The following HS3ST4 variants were observed in gnomAD, a reference collection of about 807,000 sequenced individuals.
HS3ST4 encodes heparan sulfate-glucosamine 3-sulfotransferase 4, also known as heparan sulfate glucosamine 3-O-sulfotransferase 4.
In HS3ST4, 17 loss-of-function variants were observed where a neutral mutation model predicts 29.2. The observed-to-expected ratio is 0.58, with a 90% CI of 0.40 to 0.87. The LOEUF is 0.87. Among genes scored for constraint, HS3ST4 ranks in the 40% least tolerant of loss-of-function variants. HS3ST4 has a pLI of 0.00. For synonymous variants in HS3ST4, 314 were observed against 285.7 expected (o/e 1.10, Z -1.00); for missense variants, 627 against 634.5 (o/e 0.99, Z 0.13).
chr16:25,900,520 A>G (rs1968111141), intron 1 of HS3ST4, among the ~76,000 whole-genome samples: 1 of 152,090 alleles, frequency 6.6e-6, no homozygotes, highest in African/African-American at 2.4e-5. Flanking sequence ...TCAGGGAGGC[A>G]TTTAAGGGAG....
chr16:25,924,863 C>T (rs1968387534), intron 1 of HS3ST4, among the ~76,000 whole-genome samples: 1 of 152,128 alleles, frequency 6.6e-6, no homozygotes, highest in Non-Finnish European at 1.5e-5. Context: ...TCTGGCAGGG[C>T]AGCAGGGTTC....
intron 1 of HS3ST4, among the ~76,000 whole-genome samples, chr16:25,971,958 C>T (rs1053671887): frequency 6.6e-6 from 1 of 152,012 alleles, no homozygotes; most frequent in African/African-American, 2.4e-5. Flanking sequence ...AAAAAAGAGT[C>T]GAGATTCTGG....
At chr16:26,064,064 G>A (rs1015117929) in intron 1 of HS3ST4, among the ~76,000 whole-genome samples, 2 of 152,138 alleles carry the variant, frequency 1.3e-5, no homozygotes, top group Non-Finnish European at 2.9e-5. Context: ...AGCTAGGTAG[G>A]TAACATAAAC....
chr16:25,828,332 CTCTCTCTTTCTCCCTT>C (rs1967256409), intron 1 of HS3ST4, among the ~76,000 whole-genome samples: 1 of 135,376 alleles, frequency 7.4e-6, no homozygotes, highest in Non-Finnish European at 1.6e-5. Flanking sequence ...CTCTCTCTCT[CTCTCTCTTTCTCCCTT>C]TCTCTCTCTC....
rs191029026 is a variant in HS3ST4 at position 26,016,798 on chromosome 16, A to G, written c.735-118814A>G. 5.3e-5 allele frequency among the ~76,000 whole-genome samples: 8 copies of G among 152,366 alleles called. No individual in the cohort carries two copies. The East Asian group carries it at 1.3e-3, about 26-fold the overall frequency. The stretch of plus-strand genomic sequence containing the variant: ...GAAGAAGATATTAAGTGAGTGTGAT[A>G]GAAATGTCTAGTGCTCACTCATATT... On this transcript the variant is annotated intron_variant, in intron 1 of 1. Coordinates refer to ENST00000331351, the MANE Select transcript of HS3ST4 (RefSeq NM_006040.3).
chr16:25,752,862 GAT>G (rs1322369125), intron 1 of HS3ST4, among the ~76,000 whole-genome samples: 2 of 152,224 alleles, frequency 1.3e-5, no homozygotes, highest in African/African-American at 4.8e-5. Context: ...TGCAATTACA[GAT>G]AGAGTTTTTC....
chr16:25,993,966 GT>G (rs1457505237), intron 1 of HS3ST4, among the ~76,000 whole-genome samples: 26 of 100,144 alleles, frequency 2.6e-4, no homozygotes, highest in Non-Finnish European at 7.1e-5. Context: ...GTGTGTGTGT[GT>G]GTGTGTGTGT....
intron 1 of HS3ST4, among the ~76,000 whole-genome samples, chr16:25,831,396 T>C (rs796255188): frequency 0.076 from 9,586 of 126,108 alleles, 410 homozygotes; most frequent in South Asian, 0.16. Flanking sequence ...ACCCCGTCTC[T>C]ACACACACAC....
chr16:26,044,311 G>C (rs1269150500), intron 1 of HS3ST4, among the ~76,000 whole-genome samples: 2 of 152,194 alleles, frequency 1.3e-5, no homozygotes, highest in African/African-American at 4.8e-5. Context: ...GAGGGAGGAG[G>C]AAAAGACGGA....
chr16:25,902,004 T>A (rs1968123963), intron 1 of HS3ST4, among the ~76,000 whole-genome samples: 1 of 152,184 alleles, frequency 6.6e-6, no homozygotes, highest in African/African-American at 2.4e-5. Flanking sequence ...TGTTGCTGGG[T>A]CTCTGCTTAT....
chr16:25,732,301 T>G (rs1178833545), intron 1 of HS3ST4, among the ~76,000 whole-genome samples: 2 of 152,226 alleles, frequency 1.3e-5, no homozygotes, highest in East Asian at 1.9e-4. Flanking sequence ...TGGCGGCAGT[T>G]TAGACCAGCT....
intron 1 of HS3ST4, among the ~76,000 whole-genome samples, chr16:26,035,435 C>G (rs1395408074): frequency 6.6e-6 from 1 of 152,252 alleles, no homozygotes; most frequent in African/African-American, 2.4e-5. Flanking sequence ...ATATCCCAAA[C>G]TGAAGCTGTG....
intron 1 of HS3ST4, among the ~76,000 whole-genome samples, chr16:25,716,829 G>A (rs949891969): frequency 7.2e-5 from 11 of 152,144 alleles, no homozygotes; most frequent in African/African-American, 1.4e-4. Flanking sequence ...TGAGACAGGC[G>A]GATCACCTGA....
At chr16:25,732,644 A>G (rs979210745) in intron 1 of HS3ST4, among the ~76,000 whole-genome samples, 8 of 152,214 alleles carry the variant, frequency 5.3e-5, no homozygotes, top group African/African-American at 1.9e-4. Flanking sequence ...GATGGCTGCA[A>G]TCATCTTATC....
intron 1 of HS3ST4, among the ~76,000 whole-genome samples, chr16:25,873,503 T>G (rs1967789115): frequency 6.7e-6 from 1 of 148,822 alleles, no homozygotes; most frequent in Non-Finnish European, 1.5e-5. Flanking sequence ...TCTATCTATC[T>G]ATCTATCTAT....
intron 1 of HS3ST4, among the ~76,000 whole-genome samples, chr16:26,057,712 C>A (rs1898426798): frequency 6.6e-6 from 1 of 152,000 alleles, no homozygotes; most frequent in South Asian, 2.1e-4. Flanking sequence ...CCACTGCACT[C>A]TAGCCTGGTG....
intron 1 of HS3ST4, among the ~76,000 whole-genome samples, chr16:25,861,523 T>G (rs1478611910): frequency 3.3e-5 from 5 of 152,326 alleles, no homozygotes; most frequent in Admixed American, 1.3e-4. Context: ...TATTCTAAAC[T>G]TTTTTGTTGT....
chr16:26,095,496 CA>C (rs1440881105), intron 1 of HS3ST4, among the ~76,000 whole-genome samples: 1 of 152,188 alleles, frequency 6.6e-6, no homozygotes, highest in East Asian at 1.9e-4. Flanking sequence ...GGAAACTGAA[CA>C]ACTTGCTCCT....
At chr16:25,935,032 C>G (rs72782578) in intron 1 of HS3ST4, among the ~76,000 whole-genome samples, 1 of 152,148 alleles carries the variant, frequency 6.6e-6, no homozygotes, top group Non-Finnish European at 1.5e-5. Context: ...TGAATTCTTA[C>G]GAGATCTGAT....
Sources: allele counts gnomAD v4.1 joint callset (sites outside exome capture counted in the v4.1 genomes callset), GRCh38; gene constraint gnomAD v4.1.1; transcripts MANE v1.5; gene names NCBI Gene and HGNC (gene_info 2026-07-23, HGNC 2026-07-21).